The following PID1 variants were observed in gnomAD, a reference collection of about 807,000 sequenced individuals.
The protein encoded by PID1 is PTB-containing, cubilin and LRP1-interacting protein.
In PID1, 10 loss-of-function variants were observed where a neutral mutation model predicts 19.1. That is an observed-to-expected ratio of 0.52 (90% CI 0.32 to 0.89). PID1 has a LOEUF of 0.89. Ranked by LOEUF, PID1 falls within the 40% of genes least tolerant of loss-of-function variation. PID1 has a pLI of 0.03. For missense variants in PID1, 248 were observed against 285.3 expected, an observed-to-expected ratio of 0.87 and a Z score of 0.94; for synonymous variants, 130 against 116.0, an observed-to-expected ratio of 1.12 and a Z score of -0.78.
chr2:229,107,532 A>T (rs1695202084), intron 2 of PID1, among the ~76,000 whole-genome samples: 1 of 151,908 alleles, frequency 6.6e-6, no homozygotes, highest in Non-Finnish European at 1.5e-5. Context: ...AAAAAAGCTG[A>T]AATTCATCAG....
intron 2 of PID1, among the ~76,000 whole-genome samples, chr2:229,139,077 AAG>A (rs71043093): frequency 1.7e-5 from 1 of 59,122 alleles, no homozygotes; most frequent in Non-Finnish European, 3.3e-5. Flanking sequence ...GAAAGAAAGA[AAG>A]AAAGAAAGAA....
intron 1 of PID1, among the ~76,000 whole-genome samples, chr2:229,234,053 A>G (rs1014133522): frequency 5.3e-5 from 8 of 152,228 alleles, no homozygotes; most frequent in African/African-American, 1.9e-4. Flanking sequence ...GCCAAAGATG[A>G]TCAAAGCTGT....
chr2:229,131,650 T>C (rs1398452793), intron 2 of PID1, among the ~76,000 whole-genome samples: 3 of 152,204 alleles, frequency 2.0e-5, no homozygotes, highest in Non-Finnish European at 4.4e-5. Flanking sequence ...AGGCAAAATG[T>C]CCATTGTTCC....
At chr2:229,223,550 T>C (rs1313901791) in intron 1 of PID1, among the ~76,000 whole-genome samples, 4 of 152,374 alleles carry the variant, frequency 2.6e-5, no homozygotes, top group African/African-American at 7.2e-5. Context: ...AACAAAGTGC[T>C]AATTTCTTCC....
At chr2:229,161,195 C>A (rs1690486413) in intron 1 of PID1, among the ~76,000 whole-genome samples, 1 of 152,190 alleles carries the variant, frequency 6.6e-6, no homozygotes, top group African/African-American at 2.4e-5. Context: ...GGGTTGTGGA[C>A]TGGGGTGATG....
intron 1 of PID1, among the ~76,000 whole-genome samples, chr2:229,204,004 C>T (rs1326273678): frequency 6.6e-6 from 1 of 151,868 alleles, no homozygotes; most frequent in African/African-American, 2.4e-5. Context: ...TGTAATAAAC[C>T]TTACTGAGGT....
chr2:229,232,796 T>A (rs1048329543), intron 1 of PID1, among the ~76,000 whole-genome samples: 2 of 7,444 alleles, frequency 2.7e-4, no homozygotes, highest in African/African-American at 5.2e-4. Flanking sequence ...TAAATATATA[T>A]ATATATATAT....
At chr2:229,150,005 A>C (rs1042036421) in intron 2 of PID1, among the ~76,000 whole-genome samples, 10 of 152,132 alleles carry the variant, frequency 6.6e-5, no homozygotes, top group Admixed American at 5.9e-4. Flanking sequence ...TGGGAGGCCG[A>C]GGCGGGTGGA....
rs145880199 is a variant in PID1, at chr2:229,149,377, T to C, written c.177+6441A>G. 6.4e-3 allele frequency among the ~76,000 whole-genome samples: 967 copies of C among 152,282 alleles called. 11 individuals are homozygous for C. The highest frequency in any genetic ancestry group is 0.023 in the African/African-American group (939 of 41,554). On this transcript the variant is annotated intron_variant, in intron 2 of 2. Coordinates refer to ENST00000392055, the MANE Select transcript of PID1 (RefSeq NM_001100818.2). ...AGAAATCAGATACATGTGATGCTAA[T>C]TTCAAATACACTTACATTCAAATCA... is the stretch of plus-strand genomic sequence containing the variant.
intron 2 of PID1, among the ~76,000 whole-genome samples, chr2:229,145,960 T>G (rs1690121254): frequency 6.6e-6 from 1 of 152,232 alleles, no homozygotes; most frequent in Non-Finnish European, 1.5e-5. Flanking sequence ...CAATTTTCTT[T>G]ATTTTTCGAT....
intron 2 of PID1, among the ~76,000 whole-genome samples, chr2:229,049,801 AAC>A (rs1163535117): frequency 1.3e-5 from 2 of 152,194 alleles, no homozygotes; most frequent in African/African-American, 4.8e-5. Flanking sequence ...ATCGACACAG[AAC>A]ACACATAACT....
chr2:229,116,546 C>T lies in PID1; in HGVS notation c.177+39272G>A, dbSNP rs1695415025. ...CTGAATCATGGGGGTGGGTCTTTCCCGTGCTGTTCTCATGGTAGTGAATAA... is the reference window on the plus strand; with the variant it reads ...CTGAATCATGGGGGTGGGTCTTTCCTGTGCTGTTCTCATGGTAGTGAATAA... On this transcript the variant is annotated intron_variant, in intron 2 of 2. Transcript: ENST00000392055. Among the ~76,000 whole-genome samples, 5 of 152,210 alleles carry T rather than the reference C, an allele frequency of 3.3e-5. No homozygotes were observed. The South Asian group carries it at 6.2e-4, about 19-fold the overall frequency.
rs559171580 is a variant in PID1 at position 229,049,976 on chromosome 2, T to A, written c.178-23868A>T. ...ATATATACACATTTGTATCTACATG[T>A]ACACACCTACGTATAATTAACCTCA... On this transcript the variant is annotated intron_variant, in intron 2 of 2. Transcript: ENST00000392055. 1.2e-3 allele frequency among the ~76,000 whole-genome samples: 188 copies of A among 152,290 alleles called. 1 individual carries two copies. The highest frequency in any genetic ancestry group is 4.2e-3 in the African/African-American group (174 of 41,546).
intron 2 of PID1, among the ~76,000 whole-genome samples, chr2:229,073,413 C>A (rs1305214906): frequency 6.6e-6 from 1 of 152,182 alleles, no homozygotes; most frequent in East Asian, 1.9e-4. Flanking sequence ...GAAAACTAAG[C>A]TTCATCAAAA....
At chr2:229,064,796 C>A (rs951586456) in intron 2 of PID1, among the ~76,000 whole-genome samples, 1 of 151,872 alleles carries the variant, frequency 6.6e-6, no homozygotes, top group African/African-American at 2.4e-5. Flanking sequence ...AAGCTAAAAC[C>A]CTGGAGTAAA....
At chr2:229,040,995 C>T (rs1356718184) in intron 2 of PID1, among the ~76,000 whole-genome samples, 2 of 152,298 alleles carry the variant, frequency 1.3e-5, no homozygotes, top group East Asian at 3.9e-4. Flanking sequence ...AAATCCATGG[C>T]TTTCAATATA....
intron 1 of PID1, among the ~76,000 whole-genome samples, chr2:229,174,027 C>A (rs1185863306): frequency 1.3e-5 from 2 of 152,320 alleles, no homozygotes; most frequent in East Asian, 3.9e-4. Flanking sequence ...CCCTTCCCTG[C>A]TCCACTTCCC....
chr2:229,255,293 T>C (rs1226281887), intron 1 of PID1, among the ~76,000 whole-genome samples: 1 of 152,186 alleles, frequency 6.6e-6, no homozygotes, highest in Admixed American at 6.5e-5. Context: ...CTAAAAATCA[T>C]CAGAATCCTG....
intron 2 of PID1, among the ~76,000 whole-genome samples, chr2:229,086,472 T>A (rs1694768665): frequency 6.6e-6 from 1 of 152,196 alleles, no homozygotes. Context: ...ACTGAAGCCA[T>A]ATTGCTTTTG....
Sources: allele counts gnomAD v4.1 joint callset (sites outside exome capture counted in the v4.1 genomes callset), GRCh38; gene constraint gnomAD v4.1.1; transcripts MANE v1.5; gene names NCBI Gene and HGNC (gene_info 2026-07-23, HGNC 2026-07-21).